The following UBE2Q2 variants were observed in gnomAD, a reference collection of about 807,000 sequenced individuals.
UBE2Q2 encodes ubiquitin-conjugating enzyme E2 Q2.
UBE2Q2 carries 54 observed loss-of-function variants against 59.9 expected under a neutral mutation model. The ratio of observed to expected loss-of-function variants is 0.90; its 90% CI spans 0.72 to 1.13. The LOEUF (loss-of-function observed/expected upper bound fraction) is 1.13, where lower values mean the gene tolerates loss of function less well. UBE2Q2 is among the 50% of genes most tolerant of loss of function. The probability of loss-of-function intolerance (pLI) is 0.00; values close to 1 mark genes in which losing one functional copy is unlikely to be tolerated. For missense variants in UBE2Q2, 433 were observed against 441.9 expected (o/e 0.98, Z 0.18); for synonymous variants, 165 against 155.2 (o/e 1.06, Z -0.47).
In UBE2Q2 at chr15:75,899,473, G is replaced by A. The variant is rs149859498; in HGVS notation, c.*15G>A. 6 of 1,587,218 alleles carry A rather than the reference G, an allele frequency of 3.8e-6. No homozygotes were observed. Among genetic ancestry groups the A allele is most frequent in the Middle Eastern group, 1.7e-4 (1 of 6,006 alleles). On this transcript the variant is annotated 3_prime_UTR_variant, in exon 13 of 13. Coordinates refer to ENST00000267938, the MANE Select transcript of UBE2Q2 (RefSeq NM_173469.4). ...AAGATGGCTAAATGTGTTGACTGTT[G>A]TATGTTTGGACTAATGTTGCTTTAA...
intron 1 of UBE2Q2, among the ~76,000 whole-genome samples, chr15:75,849,350 G>T (rs1221215196): frequency 6.6e-6 from 1 of 152,124 alleles, no homozygotes; most frequent in East Asian, 1.9e-4. Flanking sequence ...AGAAGTTTGT[G>T]CATCAGTTTT....
chr15:75,898,901 C>T (rs1201681480), intron 12 of UBE2Q2, among the ~76,000 whole-genome samples: 2 of 152,066 alleles, frequency 1.3e-5, no homozygotes, highest in Admixed American at 1.3e-4. Flanking sequence ...ACAATTTATT[C>T]ATAGAAAATA....
chr15:75,844,276 C>T (rs1325125930), intron 1 of UBE2Q2: 1 of 1,538,718 alleles, frequency 6.5e-7, no homozygotes, highest in Admixed American at 2.0e-5. Context: ...TTTAACGCCT[C>T]ATTTTTCAGT....
Position 75,868,981 on chromosome 15 carries a change from G to C in UBE2Q2, c.418G>C (p.Glu140Gln). The change falls in exon 4 of 13, where the codon GAA (glutamate) becomes CAA (glutamine). Residue 140 changes from glutamate (E) to glutamine (Q), a missense_variant. Glu to Gln is a conservative substitution (Grantham distance 29). Transcript: ENST00000267938. ...GACAACAGAAGAAGTGACTTCAGAA[G>C]AAGAGGAAGAAGAAGAAGAGATGGC... is the stretch of plus-strand genomic sequence containing the variant. ...NGTTEEVTSE[E>Q]EEEEEEMAED... The C allele has an allele frequency of 1.2e-6, 2 of 1,612,778 alleles. No individual in the cohort carries two copies. Among genetic ancestry groups the C allele is most frequent in the Non-Finnish European group, 1.7e-6 (2 of 1,179,164 alleles).
intron 4 of UBE2Q2, 90 bp from the exon 5 acceptor site, chr15:75,873,338 T>A: frequency 7.6e-7 from 1 of 1,308,776 alleles, no homozygotes; most frequent in Admixed American, 2.4e-5. Context: ...GTTCCTCATT[T>A]GAGTCAAGAA....
intron 3 of UBE2Q2, among the ~76,000 whole-genome samples, chr15:75,863,059 G>A (rs1229669557): frequency 6.6e-6 from 1 of 152,140 alleles, no homozygotes; most frequent in Non-Finnish European, 1.5e-5. Flanking sequence ...GGAGATGTGG[G>A]AGAACAGTGT....
intron 4 of UBE2Q2, 76 bp from the exon 5 acceptor site, chr15:75,873,352 T>A: frequency 7.1e-7 from 1 of 1,400,988 alleles, no homozygotes; most frequent in Non-Finnish European, 9.7e-7. Context: ...TCAAGAATAA[T>A]TTAATGTTAT....
intron 4 of UBE2Q2, among the ~76,000 whole-genome samples, chr15:75,872,988 TG>T (rs1897878929): frequency 1.3e-5 from 2 of 152,244 alleles, no homozygotes; most frequent in Admixed American, 1.3e-4. Context: ...TGTTTATTTT[TG>T]TGGCTGCAAG....
At chr15:75,858,175 A>G (rs1214905952) in intron 2 of UBE2Q2, among the ~76,000 whole-genome samples, 1 of 151,966 alleles carries the variant, frequency 6.6e-6, no homozygotes, top group Admixed American at 6.6e-5. Context: ...TACTCCCATT[A>G]CTTTAGTCAT....
intron 2 of UBE2Q2, among the ~76,000 whole-genome samples, chr15:75,859,065 A>G (rs1202936013): frequency 2.0e-5 from 3 of 152,160 alleles, no homozygotes; most frequent in Non-Finnish European, 2.9e-5. Context: ...ATTAGATCCC[A>G]TTTGAGTCAC....
intron 1 of UBE2Q2, among the ~76,000 whole-genome samples, chr15:75,851,958 G>A (rs1896655910): frequency 6.6e-6 from 1 of 152,094 alleles, no homozygotes. Flanking sequence ...GTGGAGACTC[G>A]ACCTTCTGGG....
chr15:75,843,612 C>G lies in UBE2Q2; in HGVS notation c.-55C>G, dbSNP rs916440619. ...CGTGACGGCGGCTCCGGGCCCGGCT[C>G]CCCTTCCGCGCCCGGCTCCCCTTCC... On this transcript the variant is annotated 5_prime_UTR_variant, in exon 1 of 13. Transcript: ENST00000267938. The G allele has an allele frequency of 6.0e-5, 90 of 1,493,524 alleles. No individual in the cohort carries two copies. The highest frequency in any genetic ancestry group is 4.5e-4 in the Admixed American group (21 of 46,338). The allele number at this position is 1,493,524 out of a possible 1,614,324, so 92.5% of individuals were successfully genotyped here.
intron 4 of UBE2Q2, among the ~76,000 whole-genome samples, chr15:75,871,823 A>G (rs1250164339): frequency 3.9e-5 from 6 of 152,190 alleles, no homozygotes; most frequent in Non-Finnish European, 8.8e-5. Flanking sequence ...TTTCCCCATA[A>G]TTATTGATAG....
chr15:75,885,413 A>C (rs894607028), intron 9 of UBE2Q2, among the ~76,000 whole-genome samples: 1 of 152,066 alleles, frequency 6.6e-6, no homozygotes, highest in Non-Finnish European at 1.5e-5. Flanking sequence ...ACCGCACCCC[A>C]CCTAGTGGTT....
At chr15:75,892,436 A>AG (rs914445802) in intron 11 of UBE2Q2, among the ~76,000 whole-genome samples, 1 of 152,238 alleles carries the variant, frequency 6.6e-6, no homozygotes, top group African/African-American at 2.4e-5. Context: ...TAGAATTGTG[A>AG]GAAAATAGTT....
At chr15:75,855,733 A>G (rs1896868650) in intron 2 of UBE2Q2, among the ~76,000 whole-genome samples, 1 of 152,234 alleles carries the variant, frequency 6.6e-6, no homozygotes, top group Admixed American at 6.5e-5. Flanking sequence ...AAGTATTTCA[A>G]CAAAAATTAA....
intron 3 of UBE2Q2, among the ~76,000 whole-genome samples, chr15:75,861,789 A>G (rs1043421387): frequency 1.3e-5 from 2 of 152,224 alleles, no homozygotes; most frequent in Non-Finnish European, 2.9e-5. Context: ...TTGCCTATCT[A>G]TCACTATTGT....
At chr15:75,844,090 C>T (rs911631620) in intron 1 of UBE2Q2, 4 of 1,415,836 alleles carry the variant, frequency 2.8e-6, no homozygotes, top group Non-Finnish European at 3.7e-6. Flanking sequence ...GGCTTCTGGC[C>T]CATCTCGGTC....
chr15:75,856,269 G>GTGTGTGTGTATATATATATATATATA (rs1256142539), intron 2 of UBE2Q2, among the ~76,000 whole-genome samples: 3 of 139,278 alleles, frequency 2.2e-5, no homozygotes, highest in African/African-American at 8.2e-5. Context: ...GTGTGTGTGT[G>GTGTGTGTGTATATATATATATATATA]TATATATATA....
Sources: allele counts gnomAD v4.1 joint callset (sites outside exome capture counted in the v4.1 genomes callset), GRCh38; gene constraint gnomAD v4.1.1; transcripts MANE v1.5; gene names NCBI Gene and HGNC (gene_info 2026-07-23, HGNC 2026-07-21).